Variants in RAD51B observed in about 807,000 individuals in gnomAD.
RAD51B encodes the protein RAD51 paralog B.
In RAD51B, 38 loss-of-function variants were observed where a neutral mutation model predicts 42.2. The ratio of observed to expected loss-of-function variants is 0.90; its 90% CI spans 0.70 to 1.18. The LOEUF is 1.18. Ranked by LOEUF, RAD51B falls within the 50% of genes most tolerant of loss-of-function variation. The pLI is 0.00. For synonymous variants in RAD51B, 154 were observed against 145.2 expected (o/e 1.06, Z -0.43); for missense variants, 373 against 400.7 (o/e 0.93, Z 0.59).
intron 7 of RAD51B, among the ~76,000 whole-genome samples, chr14:68,281,349 A>G (rs2081316287): frequency 6.6e-6 from 1 of 152,258 alleles, no homozygotes; most frequent in Non-Finnish European, 1.5e-5. Flanking sequence ...TAATATTAAT[A>G]TGTGTTAGGC....
intron 7 of RAD51B, among the ~76,000 whole-genome samples, chr14:68,231,668 A>T (rs572818604): frequency 1.3e-5 from 2 of 152,308 alleles, no homozygotes; most frequent in Non-Finnish European, 2.9e-5. Context: ...TTACATGTAT[A>T]TATTTGTATG....
At chr14:67,952,705 G>GGAGGAAAAGGAGAAGGAA (rs2074476608) in intron 7 of RAD51B, among the ~76,000 whole-genome samples, 1 of 151,992 alleles carries the variant, frequency 6.6e-6, no homozygotes, top group African/African-American at 2.4e-5. Flanking sequence ...AGTAGGAGGG[G>GGAGGAAAAGGAGAAGGAA]GAGGAAAAGG....
At chr14:67,924,007 C>T (rs978097003) in intron 7 of RAD51B, among the ~76,000 whole-genome samples, 15 of 152,070 alleles carry the variant, frequency 9.9e-5, no homozygotes, top group African/African-American at 2.4e-4. Context: ...ATATGCTTGT[C>T]GGCCATTTGT....
At chr14:68,265,232 G>A (rs963253775) in intron 7 of RAD51B, among the ~76,000 whole-genome samples, 2 of 152,200 alleles carry the variant, frequency 1.3e-5, no homozygotes, top group African/African-American at 4.8e-5. Flanking sequence ...CAGAGTTACT[G>A]TATGTTTCAA....
chr14:68,353,668 A>T (rs1401663183), intron 8 of RAD51B, among the ~76,000 whole-genome samples: 1 of 152,226 alleles, frequency 6.6e-6, no homozygotes, highest in Non-Finnish European at 1.5e-5. Context: ...GCAGAGGTGC[A>T]TCCGAGTCAT....
At chr14:68,353,693 G>C (rs57955495) in intron 8 of RAD51B, among the ~76,000 whole-genome samples, 2,593 of 152,284 alleles carry the variant, frequency 0.017, 67 homozygotes, top group African/African-American at 0.057. Flanking sequence ...GCACAGAGCC[G>C]GGCGTTGGGG....
Position 68,661,998 on chromosome 14 carries a change from G to C in RAD51B, c.*11+11142G>C, listed in dbSNP as rs115458052. ...TTCTGCTTTTCCTTCACACATTCTCGTGTGACACACTCTCAGTCCCCTCCC... is the reference window on the plus strand; with the variant it reads ...TTCTGCTTTTCCTTCACACATTCTCCTGTGACACACTCTCAGTCCCCTCCC... On this transcript the variant is annotated intron_variant, in intron 11 of 11. Coordinates refer to the RAD51B transcript ENST00000488612. Among the ~76,000 whole-genome samples, 227 of 152,100 alleles carry C rather than the reference G, an allele frequency of 1.5e-3. 1 individual carries two copies. The highest frequency in any genetic ancestry group is 5.2e-3 in the African/African-American group (214 of 41,464).
At chr14:68,021,417 A>G (rs2075863862) in intron 7 of RAD51B, among the ~76,000 whole-genome samples, 1 of 152,208 alleles carries the variant, frequency 6.6e-6, no homozygotes, top group Non-Finnish European at 1.5e-5. Context: ...TCTTACAGCC[A>G]GAATGTTTGT....
chr14:68,566,407 G>A (rs1180619881), intron 10 of RAD51B, among the ~76,000 whole-genome samples: 6 of 152,192 alleles, frequency 3.9e-5, no homozygotes, highest in African/African-American at 1.2e-4. Context: ...GAAGAACAAC[G>A]TCAAGGCCAA....
chr14:68,260,253 T>C (rs2080851087), intron 7 of RAD51B, among the ~76,000 whole-genome samples: 1 of 105,042 alleles, frequency 9.5e-6, no homozygotes, highest in Non-Finnish European at 2.1e-5. Flanking sequence ...AGGAGTAAGC[T>C]TAGAGTATCC....
At chr14:67,838,615 T>A (rs565595634) in intron 4 of RAD51B, among the ~76,000 whole-genome samples, 2 of 152,124 alleles carry the variant, frequency 1.3e-5, no homozygotes, top group South Asian at 4.1e-4. Context: ...GCTAATTTTT[T>A]AAAATGTTTT....
chr14:68,571,701 G>A (rs753466142), intron 10 of RAD51B, among the ~76,000 whole-genome samples: 27 of 152,174 alleles, frequency 1.8e-4, no homozygotes, highest in Non-Finnish European at 3.1e-4. Flanking sequence ...GAAATAGGCC[G>A]TGGACACCTT....
In RAD51B at chr14:68,426,007, C is replaced by CCTTCCTTCCTTCCTTT. The variant is rs1183115143; in HGVS notation, c.957+14483_957+14484insCCTTCCTTCCTTTCTT. Reference sequence around the variant, plus strand: ...TCCTTCCTTCCTTCCTTCCTTCCTTCCTTTCTTTCTTTCTTTCTTTCTCTC... The same window carrying CCTTCCTTCCTTCCTTT: ...TCCTTCCTTCCTTCCTTCCTTCCTTCCTTCCTTCCTTCCTTTCTTTCTTTCTTTCTTTCTTTCTCTC... On this transcript the variant is annotated intron_variant, in intron 9 of 10. Transcript: ENST00000471583. Among the ~76,000 whole-genome samples, 709 of 116,354 alleles carry CCTTCCTTCCTTCCTTT rather than the reference C, an allele frequency of 6.1e-3. 2 individuals carry two copies. The highest frequency in any genetic ancestry group is 9.1e-3 in the Non-Finnish European group (527 of 58,076). The allele number at this position is 116,354 out of a possible 152,430, so 76.3% of individuals were successfully genotyped here. A position where few individuals can be genotyped will look rare whatever the true frequency, so the allele number is the denominator to read the frequency against.
intron 7 of RAD51B, among the ~76,000 whole-genome samples, chr14:68,030,475 A>G (rs1361382732): frequency 6.6e-6 from 1 of 152,146 alleles, no homozygotes; most frequent in South Asian, 2.1e-4. Flanking sequence ...CTTAAACCTC[A>G]TGAAGCAACC....
At chr14:68,214,178 G>A in intron 7 of RAD51B, among the ~76,000 whole-genome samples, 1 of 152,166 alleles carries the variant, frequency 6.6e-6, no homozygotes, top group Non-Finnish European at 1.5e-5. Context: ...CTGAAGCCAG[G>A]GGTGCACCTG....
At chr14:68,408,449 T>C (rs1448752907) in intron 8 of RAD51B, among the ~76,000 whole-genome samples, 2 of 152,172 alleles carry the variant, frequency 1.3e-5, no homozygotes, top group African/African-American at 4.8e-5. Flanking sequence ...AAGACAAGTG[T>C]TGAGACAAGC....
At chr14:68,561,992 C>T (rs1339356250) in intron 10 of RAD51B, 6 of 985,300 alleles carry the variant, frequency 6.1e-6, no homozygotes, top group South Asian at 4.7e-5. Flanking sequence ...TTGTCTTTGT[C>T]CTCAGAGCTG....
intron 8 of RAD51B, among the ~76,000 whole-genome samples, chr14:68,383,070 C>G (rs1594757732): frequency 6.6e-6 from 1 of 152,192 alleles, no homozygotes; most frequent in African/African-American, 2.4e-5. Context: ...TCATAAATTT[C>G]TACCCATTAG....
At chr14:68,513,007 C>T (rs1885840152) in intron 10 of RAD51B, among the ~76,000 whole-genome samples, 1 of 151,976 alleles carries the variant, frequency 6.6e-6, no homozygotes, top group African/African-American at 2.4e-5. Context: ...GTTTGGGGAA[C>T]AGTAAGGAAG....
Sources: gnomAD v4.1 joint callset for allele counts (sites outside exome capture counted in the v4.1 genomes callset) on GRCh38, gnomAD v4.1.1 for gene constraint, MANE v1.5 for transcripts, NCBI Gene and HGNC (gene_info 2026-07-23, HGNC 2026-07-21) for gene names.